Variants in NOC3L observed in about 807,000 individuals in gnomAD.
NOC3L encodes the protein nucleolar complex protein 3 homolog.
A neutral mutation model predicts 102.5 loss-of-function variants in NOC3L; 85 were observed. The ratio of observed to expected loss-of-function variants is 0.83; its 90% CI spans 0.70 to 0.99. The LOEUF (loss-of-function observed/expected upper bound fraction) is 0.99, where lower values mean the gene tolerates loss of function less well. Ranked by LOEUF, NOC3L falls within the 50% of genes least tolerant of loss-of-function variation. NOC3L has a pLI of 0.00. For missense variants in NOC3L, 878 were observed against 914.9 expected, an observed-to-expected ratio of 0.96 and a Z score of 0.52; for synonymous variants, 303 against 309.4, an observed-to-expected ratio of 0.98 and a Z score of 0.22.
At chr10:94,350,928 T>TAA (rs2054408568) in intron 8 of NOC3L, among the ~76,000 whole-genome samples, 1 of 151,922 alleles carries the variant, frequency 6.6e-6, no homozygotes, top group Non-Finnish European at 1.5e-5. Flanking sequence ...TAAAAAAAAC[T>TAA]GAGAATGTAA....
At position 94,338,716 on chromosome 10, in the gene NOC3L, T is replaced by C; in HGVS notation, c.1983A>G (p.Leu661=). ...TTCCCTGAGATTCACTGTCAAGCAG[T>C]AGATCTGTTTTGGGGAAAGTCTGCA... ...ILMHTFPKTD[L]LLDSESQGSG... Residue 661 remains leucine (L), a synonymous_variant, in exon 18 of 21, where the codon CTA becomes CTG. Transcript: ENST00000371361. The C allele has an allele frequency of 6.2e-7, 1 of 1,612,868 alleles. No individual in the cohort carries two copies. Among genetic ancestry groups the C allele is most frequent in the Middle Eastern group, 1.6e-4 (1 of 6,062 alleles).
intron 4 of NOC3L, 145 bp from the exon 5 acceptor site, chr10:94,356,736 A>G (rs182155418): frequency 9.9e-6 from 6 of 605,522 alleles, no homozygotes; most frequent in South Asian, 8.8e-5. Flanking sequence ...AGGTGAGCAC[A>G]AGGGAGGATT....
chr10:94,339,746 A>G lies in NOC3L; in HGVS notation c.1955T>C (p.Leu652Ser), dbSNP rs1322085099. The change falls in exon 17 of 21, where the codon TTA (leucine) becomes TCA (serine). Residue 652 changes from leucine to serine, a missense_variant. By Grantham distance (145) the Leu-to-Ser change is moderately radical. Transcript: ENST00000371361. The part of the protein sequence containing the change: ...SIGILATTRI[L>S]MHTFPKTDLL... Reference sequence around the variant, plus strand: ...ATTTGTATCACTACTTACATGCATTAATATTCTGGTAGTTGCTAAAATGCC... The same window carrying G: ...ATTTGTATCACTACTTACATGCATTGATATTCTGGTAGTTGCTAAAATGCC... 5 of 1,613,086 alleles carry G rather than the reference A, an allele frequency of 3.1e-6. No individual in the cohort carries two copies. The highest frequency in any genetic ancestry group is 4.2e-6 in the Non-Finnish European group (5 of 1,179,388).
the NOC3L span, among the ~76,000 whole-genome samples, chr10:94,320,067 G>A: frequency 6.6e-6 from 1 of 151,858 alleles, no homozygotes; most frequent in East Asian, 1.9e-4. Flanking sequence ...CTGGTTTTCT[G>A]ATTTCTTGCC....
intron 10 of NOC3L, among the ~76,000 whole-genome samples, chr10:94,348,982 TTCCAGAACAGTTTTC>T (rs1403505841): frequency 6.6e-6 from 1 of 152,034 alleles, no homozygotes; most frequent in Non-Finnish European, 1.5e-5. Context: ...ATGAAAACTG[TTCCAGAACAGTTTTC>T]AAAGTATAAG....
At chr10:94,335,471 C>CT (rs2054208041) in intron 19 of NOC3L, among the ~76,000 whole-genome samples, 1 of 152,012 alleles carries the variant, frequency 6.6e-6, no homozygotes, top group Non-Finnish European at 1.5e-5. Context: ...GGGGTGAAGA[C>CT]TGGGGACAGG....
the NOC3L span, among the ~76,000 whole-genome samples, chr10:94,323,686 T>G: frequency 6.6e-6 from 1 of 152,254 alleles, no homozygotes; most frequent in African/African-American, 2.4e-5. Flanking sequence ...TCTTACTGTA[T>G]GATAACTTAG....
intron 2 of NOC3L, among the ~76,000 whole-genome samples, chr10:94,358,558 T>C (rs1220035784): frequency 6.6e-6 from 1 of 152,246 alleles, no homozygotes; most frequent in Non-Finnish European, 1.5e-5. Context: ...CTCCACATAC[T>C]CTGAAATGCC....
At chr10:94,349,085 G>A (rs7084988) in intron 10 of NOC3L, among the ~76,000 whole-genome samples, 165 bp downstream of exon 10, 47,267 of 151,830 alleles carry the variant, frequency 0.31, 7,774 homozygotes, top group Middle Eastern at 0.47. Flanking sequence ...GATAAATACC[G>A]AACTGTTAAT....
At chr10:94,324,700 T>C in the NOC3L span, 1 of 998,686 alleles carries the variant, frequency 1.0e-6, no homozygotes, top group Non-Finnish European at 1.5e-6. Flanking sequence ...AGAAAATTGT[T>C]TGGCTTTGTT....
At chr10:94,340,075 C>G (rs115700231) in intron 16 of NOC3L, among the ~76,000 whole-genome samples, 155 bp from the exon 17 acceptor site, 1 of 152,180 alleles carries the variant, frequency 6.6e-6, no homozygotes, top group Non-Finnish European at 1.5e-5. Context: ...GGAGATACAG[C>G]GGGCTATACT....
At chr10:94,343,420 G>A (rs1290247123) in intron 13 of NOC3L, among the ~76,000 whole-genome samples, 1 of 152,096 alleles carries the variant, frequency 6.6e-6, no homozygotes, top group Non-Finnish European at 1.5e-5. Flanking sequence ...ACACAATGTA[G>A]GAATAATCCC....
At chr10:94,341,339 A>G (rs1441497892) in intron 14 of NOC3L, among the ~76,000 whole-genome samples, 2 of 151,966 alleles carry the variant, frequency 1.3e-5, no homozygotes, top group Non-Finnish European at 2.9e-5. Context: ...GGTGACTGAT[A>G]TCCCAAGTAA....
chr10:94,334,589 T>C (rs372936763), intron 20 of NOC3L, 45 bp downstream of exon 20: 76 of 1,382,542 alleles, frequency 5.5e-5, no homozygotes, highest in Middle Eastern at 3.7e-4. Context: ...TTGAGATACA[T>C]TGGTTTCTAT....
intron 13 of NOC3L, 134 bp from the exon 14 acceptor site, chr10:94,341,879 T>G: frequency 2.0e-6 from 1 of 502,172 alleles, no homozygotes; most frequent in Non-Finnish European, 3.5e-6. Flanking sequence ...ATGGCAATTA[T>G]TGATACTTTT....
chr10:94,356,725 G>A (rs1393790562), intron 4 of NOC3L, 134 bp from the exon 5 acceptor site: 2 of 634,124 alleles, frequency 3.2e-6, no homozygotes, highest in African/African-American at 1.8e-5. Flanking sequence ...ATTAGTGATT[G>A]AGGTGAGCAC....
rs2054568852 is a variant in NOC3L at position 94,362,928 on chromosome 10, C to T, written c.-90G>A. The T allele has an allele frequency of 6.3e-7, 1 of 1,599,388 alleles. No homozygotes were observed. Among genetic ancestry groups the T allele is most frequent in the Non-Finnish European group, 8.6e-7 (1 of 1,167,438 alleles). On this transcript the variant is annotated 5_prime_UTR_variant, in exon 1 of 21. Coordinates refer to ENST00000371361, the MANE Select transcript of NOC3L (RefSeq NM_022451.11). ...CGGGGAATGACACACGTGCCGAAGT[C>T]CCTACACTACCAGAGCCGGAAACGG...
At chr10:94,362,789 G>T in intron 1 of NOC3L, 41 bp downstream of exon 1, 1 of 1,612,760 alleles carries the variant, frequency 6.2e-7, no homozygotes, top group Non-Finnish European at 8.5e-7. Context: ...TCACCCGAAG[G>T]GGCCCTAGGC....
intron 8 of NOC3L, 117 bp from the exon 9 acceptor site, chr10:94,350,405 C>T (rs2054400886): frequency 2.3e-6 from 2 of 875,226 alleles, no homozygotes; most frequent in South Asian, 3.2e-5. Context: ...CACATTCCCA[C>T]ACCCCTTAAA....
Sources: allele counts gnomAD v4.1 joint callset (sites outside exome capture counted in the v4.1 genomes callset), GRCh38; gene constraint gnomAD v4.1.1; transcripts MANE v1.5; gene names NCBI Gene and HGNC (gene_info 2026-07-23, HGNC 2026-07-21).